Variants in HOXD3 observed in about 807,000 individuals in gnomAD.
The protein encoded by HOXD3 is homeobox D3.
In HOXD3, 13 loss-of-function variants were observed where a neutral mutation model predicts 32.8. That is an observed-to-expected ratio of 0.40 (90% CI 0.26 to 0.63). HOXD3 has a LOEUF of 0.63. HOXD3 is among the 20% of genes least tolerant of loss of function. The pLI is 0.44. For missense variants in HOXD3, 504 were observed against 577.1 expected (o/e 0.87, Z 1.30); for synonymous variants, 241 against 246.8 (o/e 0.98, Z 0.22).
At position 176,157,434 on chromosome 2, in the gene HOXD3, C is replaced by T. The variant is rs1286268019; in HGVS notation, c.-199C>T. ...CCCTCCACCCCCGGCCCCCGGCGGG[C>T]GCGGGAGCGCGGCCGCAGGTAAATA... is the stretch of plus-strand genomic sequence containing the variant. On this transcript the variant is annotated 5_prime_UTR_variant, in exon 1 of 4. Coordinates refer to ENST00000683222, the MANE Select transcript of HOXD3 (RefSeq NM_006898.5). Among the ~76,000 whole-genome samples the T allele has an allele frequency of 6.6e-6, 1 of 152,092 alleles. No individual in the cohort carries two copies. Among genetic ancestry groups the T allele is most frequent in the Non-Finnish European group, 1.5e-5 (1 of 67,988 alleles).
chr2:176,171,491 C>T, intron 3 of HOXD3, 26 bp from the exon 4 acceptor site: 1 of 1,555,646 alleles, frequency 6.4e-7, no homozygotes, highest in South Asian at 1.2e-5. Flanking sequence ...TCGCTCAGCG[C>T]CCTCCCTCTC....
chr2:176,164,424 T>G (rs1690898672), intron 2 of HOXD3: 1 of 152,304 alleles, frequency 6.6e-6, no homozygotes, highest in South Asian at 2.1e-4. Flanking sequence ...TAAGAGTGAT[T>G]TAGAAGGCGC....
In HOXD3 at chr2:176,172,265, G is replaced by C. The variant is rs763805686; in HGVS notation, c.1290G>C (p.Thr430=). The C allele has an allele frequency of 2.3e-5, 37 of 1,593,104 alleles. No homozygotes were observed. Among genetic ancestry groups the C allele is most frequent in the East Asian group, 6.7e-5 (3 of 44,576 alleles). ...GACTGCCGGAGGCTCCCAAACTGAC[G>C]CATCTGTAGCGGCCGCCGCCAGCCC... The part of the protein sequence containing the change: ...QGRLPEAPKL[T]HL Residue 430 remains threonine (T), a synonymous_variant, in exon 4 of 4, where the codon ACG becomes ACC. Transcript: ENST00000683222.
intron 1 of HOXD3, among the ~76,000 whole-genome samples, chr2:176,157,713 A>G (rs1690678532): frequency 6.6e-6 from 1 of 152,000 alleles, no homozygotes; most frequent in Non-Finnish European, 1.5e-5. Flanking sequence ...ACAGAGACAG[A>G]GACAGAGATA....
At chr2:176,158,645 GACAGAA>G (rs1690703206) in intron 1 of HOXD3, among the ~76,000 whole-genome samples, 1 of 152,046 alleles carries the variant, frequency 6.6e-6, no homozygotes, top group Non-Finnish European at 1.5e-5. Context: ...TCCCCGTCAG[GACAGAA>G]ACAAAGTTTC....
At chr2:176,157,726 G>A (rs1690678744) in intron 1 of HOXD3, among the ~76,000 whole-genome samples, 1 of 152,310 alleles carries the variant, frequency 6.6e-6, no homozygotes, top group Non-Finnish European at 1.5e-5. Context: ...CAGAGATAGG[G>A]AGAGGGTGTG....
chr2:176,161,675 C>T (rs1240317567), intron 1 of HOXD3, among the ~76,000 whole-genome samples: 1 of 152,234 alleles, frequency 6.6e-6, no homozygotes, highest in Admixed American at 6.5e-5. Flanking sequence ...TAAAACGCTA[C>T]TGAGCTTTTC....
chr2:176,172,486 C>T lies in HOXD3; in HGVS notation c.*212C>T. The T allele has an allele frequency of 1.7e-6, 1 of 575,928 alleles. No homozygotes were observed. Among genetic ancestry groups the T allele is most frequent in the Non-Finnish European group, 3.1e-6 (1 of 327,018 alleles). The allele number at this position is 575,928 out of a possible 1,614,324, so 35.7% of individuals were successfully genotyped here. A position where few individuals can be genotyped will look rare whatever the true frequency, so the allele number is the denominator to read the frequency against. On this transcript the variant is annotated 3_prime_UTR_variant, in exon 4 of 4. Coordinates refer to ENST00000683222, the MANE Select transcript of HOXD3 (RefSeq NM_006898.5). ...TGGGTGACTCGCCATAAATCAGCCG[C>T]AAGGATCCTTCCCTGTAAATTTGAC... is the stretch of plus-strand genomic sequence containing the variant.
chr2:176,152,695 A>G, upstream of HOXD3: 3 of 1,614,146 alleles, frequency 1.9e-6, no homozygotes, highest in South Asian at 3.3e-5. This position sits in a 1 kb window ranked among gnomAD's most constrained non-coding sequence, Gnocchi z 5.2. Flanking sequence ...AAAGAATTTC[A>G]TTTTAACAGG....
upstream of HOXD3, among the ~76,000 whole-genome samples, chr2:176,154,867 C>G (rs2105426267): frequency 6.6e-6 from 1 of 152,338 alleles, no homozygotes; most frequent in Non-Finnish European, 1.5e-5. Flanking sequence ...GTTTCTATGA[C>G]AAAAAGCACA....
chr2:176,163,824 G>C (rs577007454), intron 1 of HOXD3, among the ~76,000 whole-genome samples: 2 of 152,260 alleles, frequency 1.3e-5, no homozygotes, highest in Admixed American at 1.3e-4. Flanking sequence ...TAGAGGGTCT[G>C]GCGCTTCCCT....
chr2:176,160,270 T>A (rs564612156), intron 1 of HOXD3, among the ~76,000 whole-genome samples: 2 of 152,188 alleles, frequency 1.3e-5, no homozygotes, highest in East Asian at 3.9e-4. Flanking sequence ...TCCACGGCAG[T>A]CTCCAGAGAC....
chr2:176,167,799 C>T (rs1376040590), intron 2 of HOXD3, among the ~76,000 whole-genome samples: 1 of 148,672 alleles, frequency 6.7e-6, no homozygotes, highest in Non-Finnish European at 1.5e-5. Context: ...CTGATTGATC[C>T]ACTTATTAAT....
chr2:176,171,545 A>G lies in HOXD3; in HGVS notation c.570A>G (p.Pro190=). Residue 190 remains proline, a synonymous_variant, in exon 4 of 4, where the codon CCA becomes CCG. Transcript: ENST00000683222. ...AGAGCTGCGAGGACAAGAGCCCGCC[A>G]GGCCCAGCATCCAAGCGGGTACGCA... The part of the protein sequence containing the change: ...AGESCEDKSP[P]GPASKRVRTA... 6.3e-7 allele frequency: 1 copy of G among 1,599,128 alleles called. No individual in the cohort carries two copies. The highest frequency in any genetic ancestry group is 2.2e-5 in the East Asian group (1 of 44,774).
intron 2 of HOXD3, among the ~76,000 whole-genome samples, chr2:176,167,566 A>G (rs1045459255): frequency 2.6e-5 from 4 of 152,070 alleles, no homozygotes; most frequent in African/African-American, 9.7e-5. Context: ...TCTACATTGT[A>G]GATTTTACAC....
At chr2:176,171,394 C>T in intron 3 of HOXD3, 123 bp from the exon 4 acceptor site, 1 of 954,400 alleles carries the variant, frequency 1.0e-6, no homozygotes, top group Non-Finnish European at 1.5e-6. Flanking sequence ...CCCTTCCCCT[C>T]CCCAGCCAGG....
intron 2 of HOXD3, among the ~76,000 whole-genome samples, chr2:176,167,927 G>A (rs997187237): frequency 3.3e-5 from 5 of 152,216 alleles, no homozygotes; most frequent in African/African-American, 1.2e-4. Flanking sequence ...TTTAGTGGGC[G>A]AATCAGCCAA....
chr2:176,162,861 T>A (rs931609046), intron 1 of HOXD3, among the ~76,000 whole-genome samples: 5 of 152,268 alleles, frequency 3.3e-5, no homozygotes, highest in South Asian at 2.1e-4. Context: ...AACTCTTTTT[T>A]AAAAATAAAT....
chr2:176,163,377 T>C (rs1458080675), intron 1 of HOXD3, among the ~76,000 whole-genome samples: 1 of 133,434 alleles, frequency 7.5e-6, no homozygotes, highest in Non-Finnish European at 1.6e-5. Flanking sequence ...GTGACAGTGG[T>C]GGGGGAGCTT....
Sources: allele counts gnomAD v4.1 joint callset (sites outside exome capture counted in the v4.1 genomes callset), GRCh38; gene constraint gnomAD v4.1.1; non-coding constraint Gnocchi (gnomAD v3.1); transcripts MANE v1.5; gene names NCBI Gene and HGNC (gene_info 2026-07-23, HGNC 2026-07-21).